Variants in EEFSEC observed in about 807,000 individuals in gnomAD.
The protein encoded by EEFSEC is selenocysteine-specific elongation factor.
A neutral mutation model predicts 42.1 loss-of-function variants in EEFSEC; 43 were observed. The ratio of observed to expected loss-of-function variants is 1.02; its 90% CI spans 0.80 to 1.32. The LOEUF (loss-of-function observed/expected upper bound fraction) is 1.32, where lower values mean the gene tolerates loss of function less well. EEFSEC is among the 40% of genes most tolerant of loss of function. The pLI, the probability that EEFSEC is intolerant of heterozygous loss-of-function variation, is 0.00. For synonymous variants in EEFSEC, 354 were observed against 339.1 expected, an observed-to-expected ratio of 1.04 and a Z score of -0.48; for missense variants, 745 against 803.6, an observed-to-expected ratio of 0.93 and a Z score of 0.88.
intron 6 of EEFSEC, among the ~76,000 whole-genome samples, chr3:128,386,040 G>A (rs1280193004): frequency 6.6e-6 from 1 of 152,226 alleles, no homozygotes; most frequent in Non-Finnish European, 1.5e-5. Context: ...TTTATGTCAA[G>A]GGAGACTGGA....
At chr3:128,220,174 G>A (rs969442430) in intron 1 of EEFSEC, among the ~76,000 whole-genome samples, 1 of 152,192 alleles carries the variant, frequency 6.6e-6, no homozygotes, top group Admixed American at 6.5e-5. Context: ...TTTATAAGTG[G>A]TGGAGCAGAG....
At chr3:128,179,537 G>C (rs2065383741) in intron 1 of EEFSEC, among the ~76,000 whole-genome samples, 1 of 152,172 alleles carries the variant, frequency 6.6e-6, no homozygotes, top group Admixed American at 6.5e-5. Flanking sequence ...TTAAAAGTTT[G>C]ATTTGGGGAA....
chr3:128,275,317 G>C (rs2811529), intron 4 of EEFSEC, among the ~76,000 whole-genome samples: 3,749 of 152,152 alleles, frequency 0.025, 145 homozygotes, highest in African/African-American at 0.085. Flanking sequence ...CCACAAAGGA[G>C]TATCTGATCT....
intron 4 of EEFSEC, among the ~76,000 whole-genome samples, chr3:128,338,724 G>C (rs1193293813): frequency 1.3e-5 from 2 of 152,206 alleles, no homozygotes; most frequent in Non-Finnish European, 2.9e-5. Context: ...CATGGTGGAG[G>C]CTTCCTGGTG....
chr3:128,331,911 C>G (rs969244826), intron 4 of EEFSEC, among the ~76,000 whole-genome samples: 5 of 151,710 alleles, frequency 3.3e-5, no homozygotes, highest in African/African-American at 9.7e-5. Context: ...GAAACTGTGT[C>G]CCACAACACC....
chr3:128,167,630 G>T (rs889674158), intron 1 of EEFSEC, among the ~76,000 whole-genome samples: 1 of 152,208 alleles, frequency 6.6e-6, no homozygotes, highest in African/African-American at 2.4e-5. Context: ...GCCCACAGAG[G>T]GTCAGCACAC....
chr3:128,223,856 T>A (rs999357918), intron 1 of EEFSEC, among the ~76,000 whole-genome samples: 19 of 148,094 alleles, frequency 1.3e-4, no homozygotes, highest in African/African-American at 4.5e-4. Flanking sequence ...AGAAATCATT[T>A]GAAATGACAT....
downstream of EEFSEC, among the ~76,000 whole-genome samples, chr3:128,410,985 CTGAG>C: frequency 6.6e-6 from 1 of 152,284 alleles, no homozygotes; most frequent in Admixed American, 6.5e-5. Flanking sequence ...TCTGAGCGCC[CTGAG>C]TGTGTAATGA....
At chr3:128,276,034 C>A (rs1328563629) in intron 4 of EEFSEC, among the ~76,000 whole-genome samples, 2 of 152,182 alleles carry the variant, frequency 1.3e-5, no homozygotes, top group African/African-American at 4.8e-5. Flanking sequence ...TCATGCCCTG[C>A]CAGCCTGTAA....
intron 6 of EEFSEC, among the ~76,000 whole-genome samples, chr3:128,366,468 C>T (rs764264267): frequency 6.6e-6 from 1 of 152,220 alleles, no homozygotes; most frequent in Non-Finnish European, 1.5e-5. Flanking sequence ...GTCATCACCC[C>T]AGTTCTGCAG....
chr3:128,300,528 C>A (rs551844538), intron 4 of EEFSEC, among the ~76,000 whole-genome samples: 78 of 100,622 alleles, frequency 7.8e-4, no homozygotes, highest in African/African-American at 3.0e-3. Flanking sequence ...GGTGACAGAG[C>A]AAGACTCTGT....
intron 1 of EEFSEC, among the ~76,000 whole-genome samples, chr3:128,219,369 T>C (rs917110059): frequency 2.0e-5 from 3 of 152,160 alleles, no homozygotes; most frequent in Non-Finnish European, 4.4e-5. Flanking sequence ...TAAAATACAA[T>C]CCTGACTCCA....
At chr3:128,176,501 A>G (rs1033798242) in intron 1 of EEFSEC, among the ~76,000 whole-genome samples, 2 of 152,198 alleles carry the variant, frequency 1.3e-5, no homozygotes, top group Admixed American at 1.3e-4. Context: ...TGCTGGAAGC[A>G]GTGGCTTGTT....
At chr3:128,157,072 T>C (rs1944393208) in intron 1 of EEFSEC, among the ~76,000 whole-genome samples, 2 of 152,216 alleles carry the variant, frequency 1.3e-5, no homozygotes, top group African/African-American at 4.8e-5. Flanking sequence ...AACACACAGA[T>C]GATAAGAAAG....
rs2955078 is a variant in EEFSEC, at chr3:128,240,343, A to C, written c.317-6493A>C. ...AGTCTCTCCTAATCTTCTGCAGGAG[A>C]CATCTTTGTTTAGGTCCTGATTGTG... is the stretch of plus-strand genomic sequence containing the variant. On this transcript the variant is annotated intron_variant, in intron 1 of 6. Transcript: ENST00000254730. Among the ~76,000 whole-genome samples the C allele has an allele frequency of 2.0e-5, 3 of 152,060 alleles. No homozygotes were observed. The East Asian group carries it at 5.8e-4, about 29-fold the overall frequency.
At chr3:128,388,212 TC>T (rs2107620971) in intron 6 of EEFSEC, among the ~76,000 whole-genome samples, 1 of 152,296 alleles carries the variant, frequency 6.6e-6, no homozygotes, top group Non-Finnish European at 1.5e-5. Flanking sequence ...TTGGTCGCCT[TC>T]CTTGGGGACA....
chr3:128,424,895 C>T, the EEFSEC span, among the ~76,000 whole-genome samples: 1 of 152,022 alleles, frequency 6.6e-6, no homozygotes, highest in Non-Finnish European at 1.5e-5. Context: ...TTCTAAAGCT[C>T]GTTCAGTCTA....
intron 4 of EEFSEC, among the ~76,000 whole-genome samples, chr3:128,281,355 G>T (rs2107966576): frequency 6.6e-6 from 1 of 152,190 alleles, no homozygotes; most frequent in East Asian, 1.9e-4. Context: ...CCCCTCCAGG[G>T]TCACTTCCAT....
intron 1 of EEFSEC, among the ~76,000 whole-genome samples, chr3:128,193,472 C>T (rs1268089561): frequency 6.6e-6 from 1 of 152,066 alleles, no homozygotes; most frequent in Non-Finnish European, 1.5e-5. Context: ...TGGCAAGGGC[C>T]CATTTTTCTG....
Sources: gnomAD v4.1 joint callset for allele counts (sites outside exome capture counted in the v4.1 genomes callset) on GRCh38, gnomAD v4.1.1 for gene constraint, MANE v1.5 for transcripts, NCBI Gene and HGNC (gene_info 2026-07-23, HGNC 2026-07-21) for gene names.